Variants in MGAM observed in about 807,000 individuals in gnomAD.
The protein encoded by MGAM is alpha-1,4-glucosidase.
MGAM carries 253 observed loss-of-function variants against 358.8 expected under a neutral mutation model. The observed-to-expected ratio is 0.71, with a 90% CI of 0.64 to 0.78. The LOEUF (loss-of-function observed/expected upper bound fraction) is 0.78, where lower values mean the gene tolerates loss of function less well. MGAM is among the 30% of genes least tolerant of loss of function. The pLI is 0.00. For missense variants in MGAM, 3,080 were observed against 3,432.6 expected, an observed-to-expected ratio of 0.90 and a Z score of 2.57; for synonymous variants, 1,105 against 1,227.1, an observed-to-expected ratio of 0.90 and a Z score of 2.08.
intron 21 of MGAM, among the ~76,000 whole-genome samples, chr7:142,046,909 CA>C (rs1304658572): frequency 2.6e-4 from 40 of 152,130 alleles, no homozygotes; most frequent in African/African-American, 9.4e-4. Context: ...TCGTTCAGAT[CA>C]GGGGTTGTGA....
intron 7 of MGAM, among the ~76,000 whole-genome samples, chr7:142,022,935 G>T (rs149034909): frequency 6.4e-4 from 97 of 152,316 alleles, no homozygotes; most frequent in African/African-American, 2.0e-3. Context: ...GGTAGTGAAA[G>T]AATAGACAGA....
At chr7:142,045,527 A>G (rs1187652516) in intron 21 of MGAM, among the ~76,000 whole-genome samples, 4 of 98,146 alleles carry the variant, frequency 4.1e-5, no homozygotes, top group Non-Finnish European at 6.9e-5. Context: ...ATAATATATG[A>G]TATAATATAT....
intron 35 of MGAM, among the ~76,000 whole-genome samples, chr7:142,063,145 C>T (rs1460378997): frequency 1.3e-5 from 2 of 152,052 alleles, no homozygotes; most frequent in African/African-American, 4.8e-5. Flanking sequence ...TTGCAGTGAG[C>T]CAGGATCGCA....
At chr7:142,101,008 A>G (rs1816393612) in intron 68 of MGAM, 118 bp downstream of exon 68, 1 of 887,002 alleles carries the variant, frequency 1.1e-6, no homozygotes, top group Non-Finnish European at 1.7e-6. Context: ...AAATATAATC[A>G]TTTGTTAATT....
At chr7:142,020,033 C>T (rs949422150) in intron 4 of MGAM, among the ~76,000 whole-genome samples, 3 of 149,558 alleles carry the variant, frequency 2.0e-5, no homozygotes, top group Non-Finnish European at 3.0e-5. Flanking sequence ...TGTGCCACTT[C>T]GCTCCAGCCT....
rs782741238 is a variant in MGAM, at chr7:142,034,380, G to A, written c.1787+1G>A. 1 of 1,545,382 alleles carries A rather than the reference G, an allele frequency of 6.5e-7. No individual in the cohort carries two copies. The highest frequency in any genetic ancestry group is 8.8e-7 in the Non-Finnish European group (1 of 1,135,046). On this transcript the variant is annotated splice_donor_variant, in intron 15 of 70. Transcript: ENST00000475668. LOFTEE classifies it high-confidence loss of function. ...ACTCCATGGCGGTCGCCACAGCAGA[G>A]TAAGGCCACTATGGCTATGACCTGC...
chr7:142,074,821 A>G (rs2129049357), intron 45 of MGAM, among the ~76,000 whole-genome samples: 1 of 146,630 alleles, frequency 6.8e-6, no homozygotes, highest in East Asian at 2.0e-4. Flanking sequence ...TTTGTTGGCA[A>G]ATAAAGATTG....
intron 66 of MGAM, among the ~76,000 whole-genome samples, chr7:142,098,902 C>T (rs1277178612): frequency 6.6e-6 from 1 of 152,120 alleles, no homozygotes; most frequent in African/African-American, 2.4e-5. Context: ...GAAGTGTCAC[C>T]TTAATTAATC....
chr7:142,068,692 G>A lies in MGAM; in HGVS notation c.5050G>A (p.Asp1684Asn), dbSNP rs756584984. The A allele has an allele frequency of 1.2e-5, 18 of 1,528,006 alleles. 1 individual carries two copies. The highest frequency in any genetic ancestry group is 1.0e-4 in the South Asian group (9 of 88,726). The allele number at this position is 1,528,006 out of a possible 1,614,324, so 94.7% of individuals were successfully genotyped here. ...TAYFPRARWYDYYTGVDINAR... is the reference protein window; with the variant it reads ...TAYFPRARWYNYYTGVDINAR... ...ATATTTCCCTAGAGCCCGTTGGTAC[G>A]ATTACTACACGGTAAGTTTTTCTGA... The change falls in exon 43 of 71, where the codon GAT becomes AAT. Residue 1684 changes from aspartate (D) to asparagine (N), a missense_variant. Around this residue, in one of 5 missense-constraint regions of MGAM, gnomAD observed 932 missense variants for 1,198.2 expected, o/e 0.78. Coordinates refer to ENST00000475668, the MANE Select transcript of MGAM (RefSeq NM_001365693.1).
Position 142,063,534 on chromosome 7 carries a change from A to G in MGAM, c.4293A>G (p.Ala1431=), listed in dbSNP as rs1337467605. 3 of 1,613,846 alleles carry G rather than the reference A, an allele frequency of 1.9e-6. No individual in the cohort carries two copies. Among genetic ancestry groups the G allele is most frequent in the East Asian group, 2.2e-5 (1 of 44,850 alleles). ...MNEPSSFVNG[A]VSPGCRDASL... ...AACCATCAAGCTTCGTGAATGGGGC[A>G]GTTTCTCCAGGCTGCAGGGACGCCT... Residue 1431 remains alanine, a synonymous_variant, in exon 36 of 71, where the codon GCA becomes GCG. Coordinates refer to ENST00000475668, the MANE Select transcript of MGAM (RefSeq NM_001365693.1).
At position 142,085,848 on chromosome 7, in the gene MGAM, G is replaced by A; in HGVS notation, c.6523G>A (p.Asp2175Asn). 6.4e-7 allele frequency: 1 copy of A among 1,565,320 alleles called. No individual in the cohort carries two copies. Among genetic ancestry groups the A allele is most frequent in the Non-Finnish European group, 8.8e-7 (1 of 1,141,000 alleles). Reference protein sequence around the residue: ...AQIPYDVQYSDIDYMERQLDF... With the variant: ...AQIPYDVQYSNIDYMERQLDF... ...CCTCCCGCAGGACGTGCAGTACTCA[G>A]ACATCGACTACATGGAGCGGCAGCT... The change falls in exon 55 of 71, where the codon GAC becomes AAC. Residue 2175 changes from aspartate (D) to asparagine (N), a missense_variant. Asp to Asn is a conservative substitution (Grantham distance 23, BLOSUM62 1). Around this residue, in one of 5 missense-constraint regions of MGAM, gnomAD observed 932 missense variants for 1,198.2 expected, o/e 0.78. Transcript: ENST00000475668.
In MGAM at chr7:142,020,786, G is replaced by T. The variant is rs547812643; in HGVS notation, c.449-188G>T. ...TTTTTGTATTTTTAGTAGAGATGGG[G>T]TTTCACCACGTTGGTCAGGCTGGTC... On this transcript the variant is annotated intron_variant, in intron 4 of 70. Transcript: ENST00000475668. Among the ~76,000 whole-genome samples the T allele has an allele frequency of 1.1e-4, 16 of 151,876 alleles. No individual in the cohort carries two copies. The East Asian group carries it at 3.1e-3, about 29-fold the overall frequency.
In MGAM at chr7:142,056,944, T is replaced by C; in HGVS notation, c.3693+2T>C. On this transcript the variant is annotated splice_donor_variant, in intron 30 of 70. Coordinates refer to ENST00000475668, the MANE Select transcript of MGAM (RefSeq NM_001365693.1). LOFTEE classifies it high-confidence loss of function. ...CTTGTCACCCAGCAGTACACTGAGG[T>C]AGGGGGAAATCCAATTGTTTATCAA... 6.2e-7 allele frequency: 1 copy of C among 1,613,312 alleles called. No individual in the cohort carries two copies. The highest frequency in any genetic ancestry group is 8.5e-7 in the Non-Finnish European group (1 of 1,179,480).
chr7:142,042,527 T>TA (rs530409422), intron 21 of MGAM, among the ~76,000 whole-genome samples: 1 of 2,018 alleles, frequency 5.0e-4, no homozygotes, highest in South Asian at 0.01. Context: ...TATATACATA[T>TA]TATATATATA....
intron 36 of MGAM, 25 bp from the exon 37 acceptor site, chr7:142,064,359 C>T: frequency 6.3e-7 from 1 of 1,595,880 alleles, no homozygotes; most frequent in Non-Finnish European, 8.5e-7. Flanking sequence ...GGCTGGGTTT[C>T]ACCTCGCCAG....
At chr7:142,059,652 T>C in intron 32 of MGAM, 52 bp downstream of exon 32, 1 of 1,606,580 alleles carries the variant, frequency 6.2e-7, no homozygotes, top group Admixed American at 1.7e-5. Context: ...GTATGGGCTT[T>C]GGTGGAGTCA....
chr7:141,990,703 T>G (rs1803908662), intron 2 of MGAM, among the ~76,000 whole-genome samples: 1 of 152,186 alleles, frequency 6.6e-6, no homozygotes. Flanking sequence ...TATTATACTT[T>G]AAGTTTTAGG....
chr7:142,043,780 A>G (rs1483343047), intron 21 of MGAM, among the ~76,000 whole-genome samples: 3 of 83,252 alleles, frequency 3.6e-5, no homozygotes, highest in Non-Finnish European at 8.4e-5. Context: ...CATTATATAC[A>G]CATACGACAT....
Position 142,065,578 on chromosome 7 carries a change from C to G in MGAM, c.4619-10C>G. The G allele has an allele frequency of 1.2e-6, 2 of 1,613,966 alleles. No individual in the cohort carries two copies. The highest frequency in any genetic ancestry group is 8.5e-7 in the Non-Finnish European group (1 of 1,179,878). On this transcript the variant is annotated splice_polypyrimidine_tract_variant and intron_variant, in intron 38 of 70. Transcript: ENST00000475668. ...AGCCTGGTGTGACACAGCTGTGCTTCTCGTTGCAGGCATGATGGAGTTCAG... is the reference window on the plus strand; with the variant it reads ...AGCCTGGTGTGACACAGCTGTGCTTGTCGTTGCAGGCATGATGGAGTTCAG...
Sources: gnomAD v4.1 joint callset for allele counts (sites outside exome capture counted in the v4.1 genomes callset) on GRCh38, gnomAD v4.1.1 for gene constraint, gnomAD v4.1.1 regional missense constraint, MANE v1.5 for transcripts, NCBI Gene and HGNC (gene_info 2026-07-23, HGNC 2026-07-21) for gene names.